Variants in CERS6 observed in about 807,000 individuals in gnomAD.
CERS6 encodes LAG1 homolog, ceramide synthase 6.
A neutral mutation model predicts 56.8 loss-of-function variants in CERS6; 26 were observed. The ratio of observed to expected loss-of-function variants is 0.46; its 90% CI spans 0.34 to 0.63. The LOEUF is 0.63. Among genes scored for constraint, CERS6 ranks in the 30% least tolerant of loss-of-function variants. CERS6 has a pLI of 0.01. For synonymous variants in CERS6, 164 were observed against 173.3 expected, an observed-to-expected ratio of 0.95 and a Z score of 0.42; for missense variants, 415 against 467.5, an observed-to-expected ratio of 0.89 and a Z score of 1.04.
At chr2:168,694,453 T>G (rs908259629) in intron 5 of CERS6, among the ~76,000 whole-genome samples, 4 of 152,148 alleles carry the variant, frequency 2.6e-5, no homozygotes, top group African/African-American at 9.7e-5. Flanking sequence ...GAATAATTCT[T>G]TCTGATATTT....
At chr2:168,735,995 C>T (rs1029158479) in intron 8 of CERS6, among the ~76,000 whole-genome samples, 1 of 151,986 alleles carries the variant, frequency 6.6e-6, no homozygotes, top group Non-Finnish European at 1.5e-5. Context: ...TGCTTGAGGC[C>T]AGGAGTTTAA....
In CERS6 at chr2:168,476,972, G is replaced by A. The variant is rs529838064; in HGVS notation, c.170+20354G>A. Among the ~76,000 whole-genome samples the A allele has an allele frequency of 2.0e-5, 3 of 152,046 alleles. No individual in the cohort carries two copies. In the South Asian group the frequency reaches 6.2e-4, roughly 32 times the overall value. ...TTGACACCCAAAATTAACCATCACA[G>A]GTTGCTATGACAAAATACCATAGAC... On this transcript the variant is annotated intron_variant, in intron 1 of 9. Coordinates refer to ENST00000305747, the MANE Select transcript of CERS6 (RefSeq NM_203463.3).
chr2:168,638,676 A>G (rs1684918314), intron 4 of CERS6, among the ~76,000 whole-genome samples: 1 of 152,200 alleles, frequency 6.6e-6, no homozygotes, highest in Admixed American at 6.5e-5. Context: ...CTTCTTGTTT[A>G]GTGGTATGCC....
chr2:168,582,167 C>G (rs1268584601), intron 3 of CERS6, among the ~76,000 whole-genome samples: 2 of 152,222 alleles, frequency 1.3e-5, no homozygotes, highest in Non-Finnish European at 2.9e-5. Flanking sequence ...ATGTATGGCA[C>G]ACACTCATCC....
At chr2:168,667,797 T>G (rs1685802137) in intron 4 of CERS6, among the ~76,000 whole-genome samples, 1 of 152,222 alleles carries the variant, frequency 6.6e-6, no homozygotes, top group Admixed American at 6.5e-5. Flanking sequence ...AGGCTAGACC[T>G]TCAAATAGTT....
chr2:168,589,742 T>C (rs1339589865), intron 3 of CERS6, among the ~76,000 whole-genome samples: 1 of 152,252 alleles, frequency 6.6e-6, no homozygotes, highest in Non-Finnish European at 1.5e-5. Flanking sequence ...CCACTACATA[T>C]AGATGTACCT....
intron 1 of CERS6, among the ~76,000 whole-genome samples, chr2:168,485,271 A>G (rs1421752386): frequency 6.6e-6 from 1 of 151,832 alleles, no homozygotes; most frequent in Non-Finnish European, 1.5e-5. Flanking sequence ...ACTCCCCTAC[A>G]CTCACATTTT....
intron 6 of CERS6, among the ~76,000 whole-genome samples, chr2:168,696,418 G>A (rs986351595): frequency 6.6e-6 from 1 of 152,168 alleles, no homozygotes; most frequent in East Asian, 1.9e-4. Context: ...CTCTTAAACA[G>A]TCTTTCTATC....
At chr2:168,717,815 G>T in intron 7 of CERS6, 57 bp from the exon 8 acceptor site, 3 of 1,339,994 alleles carry the variant, frequency 2.2e-6, no homozygotes, top group Non-Finnish European at 2.1e-6. Flanking sequence ...CATATTGAAA[G>T]AAACTTTTTA....
intron 8 of CERS6, among the ~76,000 whole-genome samples, chr2:168,735,155 A>C (rs1048860934): frequency 6.6e-6 from 1 of 152,152 alleles, no homozygotes; most frequent in African/African-American, 2.4e-5. Context: ...CCCCTCCTCA[A>C]TTGAACAGTA....
chr2:168,615,976 C>A (rs1178556374), intron 3 of CERS6, among the ~76,000 whole-genome samples: 1 of 152,142 alleles, frequency 6.6e-6, no homozygotes, highest in Non-Finnish European at 1.5e-5. Context: ...GGCAAAAGCA[C>A]CAGGTAACCT....
intron 4 of CERS6, among the ~76,000 whole-genome samples, chr2:168,637,840 CA>C (rs1186755686): frequency 2.0e-5 from 3 of 151,790 alleles, no homozygotes; most frequent in African/African-American, 7.3e-5. Context: ...ACTCCTTTTA[CA>C]GGTAGAAATT....
At chr2:168,704,637 C>T (rs1255685131) in intron 6 of CERS6, among the ~76,000 whole-genome samples, 5 of 152,130 alleles carry the variant, frequency 3.3e-5, no homozygotes, top group African/African-American at 7.2e-5. Flanking sequence ...AGACGAGTCT[C>T]GCTTTGTCGC....
intron 1 of CERS6, among the ~76,000 whole-genome samples, chr2:168,463,557 C>T (rs940432719): frequency 6.6e-6 from 1 of 152,062 alleles, no homozygotes; most frequent in African/African-American, 2.4e-5. Flanking sequence ...AAATTGTTGT[C>T]CAGAAAGATT....
At chr2:168,488,745 T>G (rs1694317650) in intron 1 of CERS6, among the ~76,000 whole-genome samples, 1 of 152,086 alleles carries the variant, frequency 6.6e-6, no homozygotes, top group Non-Finnish European at 1.5e-5. Flanking sequence ...CTCTGGGAGT[T>G]ATAATATAAT....
intron 3 of CERS6, among the ~76,000 whole-genome samples, chr2:168,627,306 T>C (rs1398697522): frequency 6.6e-6 from 1 of 152,244 alleles, no homozygotes; most frequent in Admixed American, 6.5e-5. Flanking sequence ...AGTCTTTTTA[T>C]GCTAGAATTA....
chr2:168,698,522 A>ATCC (rs2105369945), intron 6 of CERS6, among the ~76,000 whole-genome samples: 1 of 152,222 alleles, frequency 6.6e-6, no homozygotes, highest in Admixed American at 6.5e-5. Flanking sequence ...AGAACTCACA[A>ATCC]TCCCGATGAC....
chr2:168,555,952 A>G (rs1695671107), intron 2 of CERS6, among the ~76,000 whole-genome samples: 1 of 152,106 alleles, frequency 6.6e-6, no homozygotes, highest in Admixed American at 6.6e-5. Context: ...AATATCAAAA[A>G]TTATATGTGC....
chr2:168,479,702 G>C (rs1416919966), intron 1 of CERS6, among the ~76,000 whole-genome samples: 2 of 152,124 alleles, frequency 1.3e-5, no homozygotes, highest in Non-Finnish European at 2.9e-5. Flanking sequence ...TCCTCCTCCT[G>C]TGTTTAAGTG....
Sources: allele counts gnomAD v4.1 joint callset (sites outside exome capture counted in the v4.1 genomes callset), GRCh38; gene constraint gnomAD v4.1.1; transcripts MANE v1.5; gene names NCBI Gene and HGNC (gene_info 2026-07-23, HGNC 2026-07-21).